The following PCDHA3 variants were observed in gnomAD, a reference collection of about 807,000 sequenced individuals.
PCDHA3 encodes the protein protocadherin alpha-3.
PCDHA3 carries 41 observed loss-of-function variants against 62.2 expected under a neutral mutation model. The ratio of observed to expected loss-of-function variants is 0.66; its 90% CI spans 0.51 to 0.86. The LOEUF (loss-of-function observed/expected upper bound fraction) is 0.86. Ranked by LOEUF, PCDHA3 falls within the 40% of genes least tolerant of loss-of-function variation. PCDHA3 has a pLI of 0.00. For synonymous variants in PCDHA3, 640 were observed against 555.4 expected, an observed-to-expected ratio of 1.15 and a Z score of -2.14; for missense variants, 1,304 against 1,241.2, an observed-to-expected ratio of 1.05 and a Z score of -0.76.
chr5:140,835,829 G>A (rs2150246092), intron 1 of PCDHA3: 8 of 1,612,356 alleles, frequency 5.0e-6, no homozygotes, highest in African/African-American at 1.3e-5. Flanking sequence ...CGGGGGACGC[G>A]GACGCGCAGA....
chr5:140,890,069 A>C (rs1554184149), intron 1 of PCDHA3, among the ~76,000 whole-genome samples: 1 of 152,204 alleles, frequency 6.6e-6, no homozygotes, highest in Non-Finnish European at 1.5e-5. Flanking sequence ...TTACTGGCTT[A>C]TGAGAACTGA....
chr5:140,850,116 G>A, intron 1 of PCDHA3: 1 of 1,596,102 alleles, frequency 6.3e-7, no homozygotes, highest in Non-Finnish European at 8.6e-7. Context: ...GCGCGACGCG[G>A]GCGTGCCGCC....
At chr5:140,823,777 C>T (rs2150129068) in intron 1 of PCDHA3, 1 of 1,613,860 alleles carries the variant, frequency 6.2e-7, no homozygotes, top group Non-Finnish European at 8.5e-7. Flanking sequence ...GCTGGTGTCG[C>T]TGGTGGAAAG....
At chr5:140,925,556 T>C (rs1421287870) in intron 1 of PCDHA3, among the ~76,000 whole-genome samples, 2 of 151,752 alleles carry the variant, frequency 1.3e-5, no homozygotes, top group African/African-American at 4.8e-5. Flanking sequence ...AAATGACAAG[T>C]TAATGGGTGC....
At chr5:140,884,104 G>C in intron 1 of PCDHA3, 1 of 1,613,464 alleles carries the variant, frequency 6.2e-7, no homozygotes, top group African/African-American at 1.3e-5. Flanking sequence ...ATGAATTGCA[G>C]CTGGCGGCGG....
chr5:140,809,401 G>T, intron 1 of PCDHA3: 3 of 1,614,182 alleles, frequency 1.9e-6, no homozygotes, highest in Non-Finnish European at 2.5e-6. Context: ...GCAAGCCCAC[G>T]CTGGTGTGCT....
At chr5:140,805,245 C>A in intron 1 of PCDHA3, 2 of 1,315,870 alleles carry the variant, frequency 1.5e-6, no homozygotes, top group African/African-American at 3.0e-5. Context: ...CCCATCTGTA[C>A]ATTAAAATAC....
intron 3 of PCDHA3, among the ~76,000 whole-genome samples, chr5:140,985,103 A>G (rs1342526252): frequency 6.6e-6 from 1 of 151,694 alleles, no homozygotes; most frequent in African/African-American, 2.4e-5. Context: ...AAGCCTGGCT[A>G]ATTTTTTGTG....
At position 140,841,167 on chromosome 5, in the gene PCDHA3, G is replaced by A. The variant is rs1003651834; in HGVS notation, c.2394+37576G>A. On this transcript the variant is annotated intron_variant, in intron 1 of 3. Coordinates refer to ENST00000522353, the MANE Select transcript of PCDHA3 (RefSeq NM_018906.3). ...ATGTCGCTGTCTACCAAGAAGTTCTGGTTGGTCAATGTTCAAAGTCTTTTC... is the reference window on the plus strand; with the variant it reads ...ATGTCGCTGTCTACCAAGAAGTTCTAGTTGGTCAATGTTCAAAGTCTTTTC... 13 of 954,538 alleles carry A rather than the reference G, an allele frequency of 1.4e-5. 1 individual carries two copies. In the South Asian group the frequency reaches 1.6e-4, roughly 12 times the overall value. 59.1% of individuals were successfully genotyped at this position (954,538 alleles called of 1,614,324 possible). A position where few individuals can be genotyped will look rare whatever the true frequency, so the allele number is the denominator to read the frequency against.
At chr5:140,823,685 A>G in intron 1 of PCDHA3, 1 of 1,613,946 alleles carries the variant, frequency 6.2e-7, no homozygotes, top group Non-Finnish European at 8.5e-7. Context: ...CGCTCTCTGG[A>G]TGAGACCGAA....
intron 1 of PCDHA3, chr5:140,843,100 G>C: frequency 6.3e-7 from 1 of 1,595,760 alleles, no homozygotes; most frequent in East Asian, 2.2e-5. Flanking sequence ...TGGTAGCGAA[G>C]GTGCGCGCAG....
intron 3 of PCDHA3, among the ~76,000 whole-genome samples, chr5:140,984,768 G>A (rs569046665): frequency 7.2e-5 from 11 of 152,172 alleles, no homozygotes; most frequent in African/African-American, 2.4e-4. Flanking sequence ...CTAATCCCAA[G>A]CTTACTTGCT....
chr5:140,891,426 C>A lies in PCDHA3; in HGVS notation c.2395-87523C>A, dbSNP rs76102230. On this transcript the variant is annotated intron_variant, in intron 1 of 3. Transcript: ENST00000522353. ...CCACCCCCCACTCTTGCCCCCAAGTCCCCAACGTCCATTGTATAGGATTTT... is the reference window on the plus strand; with the variant it reads ...CCACCCCCCACTCTTGCCCCCAAGTACCCAACGTCCATTGTATAGGATTTT... Among the ~76,000 whole-genome samples, 774 of 148,652 alleles carry A rather than the reference C, an allele frequency of 5.2e-3. 4 individuals are homozygous for A. Among genetic ancestry groups the A allele is most frequent in the African/African-American group, 0.018 (747 of 40,514 alleles).
chr5:140,927,811 G>A, intron 1 of PCDHA3: 1 of 1,614,186 alleles, frequency 6.2e-7, no homozygotes, highest in Non-Finnish European at 8.5e-7. Context: ...AACGCTCTTG[G>A]AGGCATACAT....
Position 140,850,211 on chromosome 5 carries a change from C to A in PCDHA3, c.2394+46620C>A, listed in dbSNP as rs2150473492. The stretch of plus-strand genomic sequence containing the variant: ...CGCTGCTGACACCTCGGATGAGGGG[C>A]ACTGACGGCGCAGTGAGCGAGATGG... On this transcript the variant is annotated intron_variant, in intron 1 of 3. Coordinates refer to ENST00000522353, the MANE Select transcript of PCDHA3 (RefSeq NM_018906.3). The A allele has an allele frequency of 5.0e-6, 8 of 1,593,540 alleles. 1 individual carries two copies. Among genetic ancestry groups the A allele is most frequent in the Non-Finnish European group, 6.0e-6 (7 of 1,167,626 alleles).
chr5:140,992,017 CTGTGTGTGTGTG>C (rs10602499), intron 3 of PCDHA3, among the ~76,000 whole-genome samples: 3 of 145,512 alleles, frequency 2.1e-5, no homozygotes, highest in South Asian at 2.2e-4. Flanking sequence ...AGAGGTGGCT[CTGTGTGTGTGTG>C]TGTGTGTGTG....
chr5:140,823,802 A>G, intron 1 of PCDHA3: 2 of 1,613,828 alleles, frequency 1.2e-6, no homozygotes, highest in Non-Finnish European at 1.7e-6. Context: ...CAGGCGCCGA[A>G]GGCCTCATCG....
chr5:140,857,659 C>T, intron 1 of PCDHA3: 1 of 1,596,596 alleles, frequency 6.3e-7, no homozygotes, highest in South Asian at 1.1e-5. Context: ...TGAGCGCGCG[C>T]GATGGGGGCG....
At position 140,803,236 on chromosome 5, in the gene PCDHA3, C is replaced by T; in HGVS notation, c.2039C>T (p.Ser680Phe). 1 of 1,613,802 alleles carries T rather than the reference C, an allele frequency of 6.2e-7. No individual in the cohort carries two copies. The highest frequency in any genetic ancestry group is 8.5e-7 in the Non-Finnish European group (1 of 1,179,934). The change falls in exon 1 of 4, where the codon TCC becomes TTC. Residue 680 changes from serine to phenylalanine, a missense_variant. By Grantham distance (155) the Ser-to-Phe change is radical. Transcript: ENST00000522353. ...AGTGGCCAGGCACCCAAGGCCTCGT[C>T]CCAGGCGTCCGCTGGCGCCACGGGC... ...VESGQAPKAS[S>F]QASAGATGPE...
Sources: gnomAD v4.1 joint callset for allele counts (sites outside exome capture counted in the v4.1 genomes callset) on GRCh38, gnomAD v4.1.1 for gene constraint, MANE v1.5 for transcripts, NCBI Gene and HGNC (gene_info 2026-07-23, HGNC 2026-07-21) for gene names.